The following CLIP1 variants were observed in gnomAD, a reference collection of about 807,000 sequenced individuals.
CLIP1 encodes the protein CAP-Gly domain containing linker protein 1.
In CLIP1, 66 loss-of-function variants were observed where a neutral mutation model predicts 161.6. The observed-to-expected ratio is 0.41, with a 90% CI of 0.33 to 0.50. The LOEUF is 0.50. Among genes scored for constraint, CLIP1 ranks in the 20% least tolerant of loss-of-function variants. The pLI, the probability that CLIP1 is intolerant of heterozygous loss-of-function variation, is 0.27. For synonymous variants in CLIP1, 598 were observed against 626.2 expected (o/e 0.96, Z 0.67); for missense variants, 1,376 against 1,702.0 (o/e 0.81, Z 3.37).
At chr12:122,415,220 G>A (rs142854136) in intron 1 of CLIP1, among the ~76,000 whole-genome samples, 3,066 of 152,180 alleles carry the variant, frequency 0.02, 69 homozygotes, top group African/African-American at 0.05. Context: ...AGTGGCTCAC[G>A]CCTGTAATCC....
chr12:122,347,488 AAAAAGG>A lies in CLIP1; in HGVS notation c.1402-15_1402-10del, dbSNP rs781616240. On this transcript the variant is annotated splice_polypyrimidine_tract_variant and intron_variant, in intron 9 of 25. Coordinates refer to ENST00000620786, the MANE Select transcript of CLIP1 (RefSeq NM_001247997.2). The stretch of plus-strand genomic sequence containing the variant: ...TCCAGTTTGGTCTGCGTCTGTTAGT[AAAAAGG>A]AAGAGGAAGAGAACACAACAGTGCC... 1 of 1,605,764 alleles carries A rather than the reference AAAAAGG, an allele frequency of 6.2e-7. No homozygotes were observed. Among genetic ancestry groups the A allele is most frequent in the Non-Finnish European group, 8.5e-7 (1 of 1,172,900 alleles).
intron 9 of CLIP1, among the ~76,000 whole-genome samples, chr12:122,348,742 A>C (rs934770081): frequency 6.6e-6 from 1 of 152,166 alleles, no homozygotes; most frequent in Non-Finnish European, 1.5e-5. Context: ...TACGTGCAGT[A>C]ATTTAAATAC....
chr12:122,316,917 C>A, intron 18 of CLIP1, 62 bp from the exon 19 acceptor site: 7 of 949,532 alleles, frequency 7.4e-6, no homozygotes, highest in Non-Finnish European at 1.1e-5. Context: ...CATGAATGAA[C>A]AAATTATTCA....
Position 122,272,628 on chromosome 12 carries a change from T to C in CLIP1, c.*247A>G, listed in dbSNP as rs948651923. ...ATAAATGTAATGGCATCTGGTGCAA[T>C]GTCTTCAAACGTAAAAATCAAGAAA... On this transcript the variant is annotated 3_prime_UTR_variant, in exon 26 of 26. Coordinates refer to ENST00000620786, the MANE Select transcript of CLIP1 (RefSeq NM_001247997.2). 2.1e-6 allele frequency: 1 copy of C among 477,912 alleles called. No individual in the cohort carries two copies. The highest frequency in any genetic ancestry group is 1.9e-5 in the African/African-American group (1 of 51,594). 29.6% of individuals were successfully genotyped at this position (477,912 alleles called of 1,614,324 possible). A position where few individuals can be genotyped will look rare whatever the true frequency, so the allele number is the denominator to read the frequency against.
At chr12:122,295,948 T>C (rs868550913) in intron 20 of CLIP1, among the ~76,000 whole-genome samples, 1 of 152,226 alleles carries the variant, frequency 6.6e-6, no homozygotes, top group African/African-American at 2.4e-5. Context: ...GTTTGCATAG[T>C]ATGTCTTGTT....
At chr12:122,379,571 T>C (rs1954907618) in intron 2 of CLIP1, among the ~76,000 whole-genome samples, 1 of 151,734 alleles carries the variant, frequency 6.6e-6, no homozygotes, top group African/African-American at 2.4e-5. Context: ...AAACCTTGTC[T>C]CAAAAACAAA....
intron 8 of CLIP1, among the ~76,000 whole-genome samples, chr12:122,351,694 T>C (rs1325779586): frequency 1.3e-5 from 2 of 152,232 alleles, no homozygotes; most frequent in African/African-American, 2.4e-5. Context: ...TACTAAAATA[T>C]TGTAGATTAA....
At position 122,356,900 on chromosome 12, in the gene CLIP1, G is replaced by A. The variant is rs377519934; in HGVS notation, c.1006-1588C>T. Among the ~76,000 whole-genome samples the A allele has an allele frequency of 2.6e-4, 40 of 152,338 alleles. No individual in the cohort carries two copies. In the East Asian group the frequency reaches 6.4e-3, roughly 24 times the overall value. ...AGTGATCCGCCAGCCTCGGCCTCCC[G>A]AGGTGCCGAGATTGCAGACGGAGTC... is the stretch of plus-strand genomic sequence containing the variant. On this transcript the variant is annotated intron_variant, in intron 5 of 25. Coordinates refer to ENST00000620786, the MANE Select transcript of CLIP1 (RefSeq NM_001247997.2).
chr12:122,361,323 G>T, intron 4 of CLIP1, 142 bp from the exon 5 acceptor site: 1 of 666,582 alleles, frequency 1.5e-6, no homozygotes, highest in Non-Finnish European at 2.6e-6. Flanking sequence ...ACACCAGCAC[G>T]TAGCAGTCAC....
intron 1 of CLIP1, among the ~76,000 whole-genome samples, chr12:122,386,006 C>A (rs1413019272): frequency 6.6e-6 from 1 of 152,122 alleles, no homozygotes; most frequent in Non-Finnish European, 1.5e-5. Context: ...TTGGGCTCGG[C>A]CGGGAGCACT....
At chr12:122,398,098 G>T (rs944565852) in intron 1 of CLIP1, among the ~76,000 whole-genome samples, 1 of 151,918 alleles carries the variant, frequency 6.6e-6, no homozygotes, top group Non-Finnish European at 1.5e-5. Context: ...GAATCATCTT[G>T]GCCAAGTAAA....
In CLIP1 at chr12:122,294,201, T is replaced by C. The variant is rs567630606; in HGVS notation, c.3595-5660A>G. 1.4e-3 allele frequency among the ~76,000 whole-genome samples: 206 copies of C among 150,686 alleles called. 3 individuals carry two copies. In the South Asian group the frequency reaches 0.024, roughly 18 times the overall value. On this transcript the variant is annotated intron_variant, in intron 20 of 25. Transcript: ENST00000620786. Reference sequence around the variant, plus strand: ...AAAATTAGCCGGGTGTGGTGGTGGGTGCCTGTAGTCCCAGCTACTTGGGAG... The same window carrying C: ...AAAATTAGCCGGGTGTGGTGGTGGGCGCCTGTAGTCCCAGCTACTTGGGAG...
chr12:122,272,829 A>G lies in CLIP1; in HGVS notation c.*46T>C. ...CACAATGCTGGTGTTACGTTGTGTC[A>G]ATGCGAGTGCGTCTGAGCAAGCCCA... On this transcript the variant is annotated 3_prime_UTR_variant, in exon 26 of 26. Coordinates refer to ENST00000620786, the MANE Select transcript of CLIP1 (RefSeq NM_001247997.2). 1 of 1,515,530 alleles carries G rather than the reference A, an allele frequency of 6.6e-7. No individual in the cohort carries two copies. Among genetic ancestry groups the G allele is most frequent in the Non-Finnish European group, 9.2e-7 (1 of 1,090,358 alleles). The allele number at this position is 1,515,530 out of a possible 1,614,324, so 93.9% of individuals were successfully genotyped here. A position where few individuals can be genotyped will look rare whatever the true frequency, so the allele number is the denominator to read the frequency against.
Position 122,417,801 on chromosome 12 carries a change from C to T in CLIP1, c.-107+4720G>A, listed in dbSNP as rs562846425. Among the ~76,000 whole-genome samples the T allele has an allele frequency of 2.7e-4, 41 of 152,152 alleles. 1 individual carries two copies. The South Asian group carries it at 7.3e-3, about 27-fold the overall frequency. On this transcript the variant is annotated intron_variant, in intron 1 of 25. Coordinates refer to ENST00000620786, the MANE Select transcript of CLIP1 (RefSeq NM_001247997.2). ...TGCTGGGATTACAGGTGTGAGCTACCGCGCCCGGCCAAATTATTCTGTATT... is the reference window on the plus strand; with the variant it reads ...TGCTGGGATTACAGGTGTGAGCTACTGCGCCCGGCCAAATTATTCTGTATT...
Position 122,387,590 on chromosome 12 carries a change from A to ATTTTT in CLIP1, c.-106-7037_-106-7033dup, listed in dbSNP as rs139790813. ...TATATATATATATATATATATATAT[A>ATTTTT]TTTTTTTTTTTTTTTTTTTTTTTTT... On this transcript the variant is annotated intron_variant, in intron 1 of 25. Coordinates refer to ENST00000620786, the MANE Select transcript of CLIP1 (RefSeq NM_001247997.2). 6.4e-3 allele frequency among the ~76,000 whole-genome samples: 40 copies of ATTTTT among 6,248 alleles called. 1 individual carries two copies. Among genetic ancestry groups the ATTTTT allele is most frequent in the African/African-American group, 0.012 (35 of 2,938 alleles). 4.1% of individuals were successfully genotyped at this position (6,248 alleles called of 152,430 possible). A position where few individuals can be genotyped will look rare whatever the true frequency, so the allele number is the denominator to read the frequency against.
chr12:122,301,569 G>A (rs1950679602), intron 20 of CLIP1, among the ~76,000 whole-genome samples: 1 of 152,162 alleles, frequency 6.6e-6, no homozygotes, highest in South Asian at 2.1e-4. Flanking sequence ...AGGTACTCAG[G>A]AGGCTGAGGC....
intron 15 of CLIP1, among the ~76,000 whole-genome samples, chr12:122,331,021 A>T (rs113402820): frequency 0.032 from 4,611 of 144,614 alleles, 207 homozygotes; most frequent in African/African-American, 0.1. Flanking sequence ...TTATTTATTT[A>T]TTTTTTTTTT....
In CLIP1 at chr12:122,347,432, G is replaced by A; in HGVS notation, c.1449C>T (p.Ser483=). Residue 483 remains serine (S), a synonymous_variant, in exon 10 of 26, where the codon AGC becomes AGT. Coordinates refer to ENST00000620786, the MANE Select transcript of CLIP1 (RefSeq NM_001247997.2). ...EHARIKELEQ[S]LLFEKTKADK... is the part of the protein sequence containing the mutation. ...CAGCTTTGGTCTTTTCAAAGAGCAG[G>A]CTCTGTTCAAGCTCCTTAATGCGGG... 1.9e-6 allele frequency: 3 copies of A among 1,613,956 alleles called. No individual in the cohort carries two copies. Among genetic ancestry groups the A allele is most frequent in the East Asian group, 2.2e-5 (1 of 44,892 alleles).
rs141379098 is a variant in CLIP1 at position 122,403,793 on chromosome 12, T to C, written c.-107+18728A>G. On this transcript the variant is annotated intron_variant, in intron 1 of 25. Transcript: ENST00000620786. ...ACCTTGGCCTCCCAAAGTGTTGGGA[T>C]TACCACATGAGCCACCGTGCCCAGC... 3.7e-3 allele frequency among the ~76,000 whole-genome samples: 559 copies of C among 152,192 alleles called. 1 individual carries two copies. The highest frequency in any genetic ancestry group is 0.013 in the African/African-American group (527 of 41,524).
Sources: allele counts gnomAD v4.1 joint callset (sites outside exome capture counted in the v4.1 genomes callset), GRCh38; gene constraint gnomAD v4.1.1; transcripts MANE v1.5; gene names NCBI Gene and HGNC (gene_info 2026-07-23, HGNC 2026-07-21).